Variants in PARD3 observed in about 807,000 individuals in gnomAD.
PARD3 encodes par-3 family cell polarity regulator.
Under a neutral mutation model 155.4 loss-of-function variants are expected in PARD3, and 75 were observed. That is an observed-to-expected ratio of 0.48 (90% CI 0.40 to 0.58). PARD3 has a LOEUF of 0.58. PARD3 is among the 20% of genes least tolerant of loss of function. The pLI is 0.00. For synonymous variants in PARD3, 576 were observed against 610.5 expected, an observed-to-expected ratio of 0.94 and a Z score of 0.83; for missense variants, 1,642 against 1,721.7, an observed-to-expected ratio of 0.95 and a Z score of 0.82.
chr10:34,636,704 A>G (rs1228635434), intron 2 of PARD3, among the ~76,000 whole-genome samples: 1 of 152,152 alleles, frequency 6.6e-6, no homozygotes, highest in African/African-American at 2.4e-5. Context: ...CGTTAATTTG[A>G]CTGCATGCGC....
At chr10:34,802,621 T>C (rs1022170934) in intron 1 of PARD3, among the ~76,000 whole-genome samples, 1 of 152,130 alleles carries the variant, frequency 6.6e-6, no homozygotes, top group African/African-American at 2.4e-5. Flanking sequence ...TATGGACATG[T>C]TTGGAGCATC....
chr10:34,307,966 T>C (rs967989570), intron 20 of PARD3, among the ~76,000 whole-genome samples: 7 of 151,256 alleles, frequency 4.6e-5, no homozygotes, highest in African/African-American at 1.7e-4. Context: ...GGGAGCAGAG[T>C]TTGCAATTTT....
chr10:34,307,739 G>A (rs1340318769), intron 20 of PARD3, among the ~76,000 whole-genome samples: 1 of 152,170 alleles, frequency 6.6e-6, no homozygotes, highest in Non-Finnish European at 1.5e-5. Context: ...GGCCACTGAA[G>A]GGGTTTGGCA....
intron 1 of PARD3, among the ~76,000 whole-genome samples, chr10:34,793,389 G>A (rs1841894321): frequency 6.6e-6 from 1 of 152,114 alleles, no homozygotes; most frequent in Admixed American, 6.5e-5. Context: ...GGCAGGCTGG[G>A]GTCAGTTTTC....
chr10:34,189,167 A>G (rs939191762), intron 22 of PARD3, among the ~76,000 whole-genome samples: 1 of 151,976 alleles, frequency 6.6e-6, no homozygotes, highest in Non-Finnish European at 1.5e-5. Context: ...CCCTGTCTCT[A>G]CAAAAATAAA....
intron 2 of PARD3, among the ~76,000 whole-genome samples, chr10:34,550,432 G>A (rs112674481): frequency 1.3e-5 from 2 of 151,998 alleles, no homozygotes; most frequent in South Asian, 2.1e-4. Context: ...GGCTGGTCTC[G>A]AACTCCTAAG....
intron 1 of PARD3, among the ~76,000 whole-genome samples, chr10:34,698,723 T>C (rs1351635044): frequency 6.6e-6 from 1 of 152,180 alleles, no homozygotes. Context: ...ACTGTTAATG[T>C]TCCTAAAAAC....
chr10:34,729,212 T>A (rs2094773051), intron 1 of PARD3, among the ~76,000 whole-genome samples: 1 of 152,202 alleles, frequency 6.6e-6, no homozygotes, highest in South Asian at 2.1e-4. Flanking sequence ...CTTAAAATGC[T>A]GAATGCAGCC....
At chr10:34,257,202 C>T (rs765950829) in intron 22 of PARD3, among the ~76,000 whole-genome samples, 6 of 152,132 alleles carry the variant, frequency 3.9e-5, no homozygotes, top group Non-Finnish European at 8.8e-5. Flanking sequence ...ATTTAGGGCT[C>T]GATAAAGTCT....
At position 34,690,048 on chromosome 10, in the gene PARD3, G is replaced by A. The variant is rs187971584; in HGVS notation, c.222+6270C>T. On this transcript the variant is annotated intron_variant, in intron 2 of 24. Coordinates refer to ENST00000374788, the MANE Select transcript of PARD3 (RefSeq NM_001184785.2). ...AACCTCCGTCCCCTGGGTTCAAGCAGTTCTCCTGCCTCAGCCTCCCAAGTA... is the reference window on the plus strand; with the variant it reads ...AACCTCCGTCCCCTGGGTTCAAGCAATTCTCCTGCCTCAGCCTCCCAAGTA... Among the ~76,000 whole-genome samples, 257 of 152,186 alleles carry A rather than the reference G, an allele frequency of 1.7e-3. 2 individuals are homozygous for A. The highest frequency in any genetic ancestry group is 6.0e-3 in the African/African-American group (249 of 41,536).
intron 2 of PARD3, among the ~76,000 whole-genome samples, chr10:34,666,826 C>T (rs1203486954): frequency 1.1e-3 from 127 of 113,040 alleles, no homozygotes; most frequent in African/African-American, 3.9e-3. Context: ...TACACACACA[C>T]ACACACACAC....
chr10:34,670,176 C>T (rs1388037662), intron 2 of PARD3, among the ~76,000 whole-genome samples: 8 of 152,248 alleles, frequency 5.3e-5, no homozygotes, highest in Non-Finnish European at 1.2e-4. Flanking sequence ...CAGCATTTGG[C>T]GGCTAGCCTC....
intron 1 of PARD3, among the ~76,000 whole-genome samples, chr10:34,795,982 A>C (rs539641155): frequency 1.1e-4 from 16 of 152,306 alleles, no homozygotes; most frequent in Admixed American, 3.3e-4. Context: ...TGACACATAG[A>C]GACATTGCTT....
intron 24 of PARD3, among the ~76,000 whole-genome samples, chr10:34,113,741 C>T (rs1946520286): frequency 6.6e-6 from 1 of 152,152 alleles, no homozygotes; most frequent in Non-Finnish European, 1.5e-5. Context: ...AAATCCTGAG[C>T]CTGCCACTGG....
chr10:34,182,954 C>T (rs543218196), intron 22 of PARD3, among the ~76,000 whole-genome samples: 15 of 152,150 alleles, frequency 9.9e-5, no homozygotes, highest in Non-Finnish European at 2.1e-4. Flanking sequence ...TTCAATTATC[C>T]TAACATCTAT....
intron 2 of PARD3, among the ~76,000 whole-genome samples, chr10:34,564,470 A>G (rs779828529): frequency 7.9e-5 from 12 of 152,176 alleles, no homozygotes; most frequent in Non-Finnish European, 5.9e-5. Context: ...CAAAAGACAC[A>G]GGTCTTGCTC....
chr10:34,367,507 C>T (rs1840084287), intron 12 of PARD3, among the ~76,000 whole-genome samples: 1 of 152,080 alleles, frequency 6.6e-6, no homozygotes, highest in African/African-American at 2.4e-5. Flanking sequence ...AGATCAAGAC[C>T]ATCCTGGCCA....
chr10:34,395,566 G>A (rs1038243441), intron 7 of PARD3, among the ~76,000 whole-genome samples: 1 of 30,316 alleles, frequency 3.3e-5, no homozygotes. Context: ...GGCCGGGCGC[G>A]GTGGCTCACG....
At chr10:34,522,344 G>A (rs117691582) in intron 2 of PARD3, among the ~76,000 whole-genome samples, 7 of 152,198 alleles carry the variant, frequency 4.6e-5, no homozygotes, top group South Asian at 2.1e-4. Flanking sequence ...AAAGGAGCAC[G>A]GTTAACACAC....
Sources: gnomAD v4.1 joint callset for allele counts (sites outside exome capture counted in the v4.1 genomes callset) on GRCh38, gnomAD v4.1.1 for gene constraint, MANE v1.5 for transcripts, NCBI Gene and HGNC (gene_info 2026-07-23, HGNC 2026-07-21) for gene names.